The following BORCS5 variants were observed in gnomAD, a reference collection of about 807,000 sequenced individuals.
BORCS5 encodes the protein BLOC-1-related complex subunit 5.
A neutral mutation model predicts 22.1 loss-of-function variants in BORCS5; 17 were observed. The ratio of observed to expected loss-of-function variants is 0.77; its 90% CI spans 0.53 to 1.15. The LOEUF is 1.15. Among genes scored for constraint, BORCS5 ranks in the 50% most tolerant of loss-of-function variants. BORCS5 has a pLI of 0.00. For missense variants in BORCS5, 247 were observed against 253.2 expected (o/e 0.98, Z 0.17); for synonymous variants, 117 against 99.8 (o/e 1.17, Z -1.03).
chr12:12,454,061 A>G (rs1369546395), intron 3 of BORCS5, among the ~76,000 whole-genome samples: 1 of 152,092 alleles, frequency 6.6e-6, no homozygotes, highest in Non-Finnish European at 1.5e-5. Context: ...AATAGACCAC[A>G]TTTTGTTTAT....
chr12:12,368,226 T>TA (rs1482432568), intron 2 of BORCS5, among the ~76,000 whole-genome samples: 1 of 152,120 alleles, frequency 6.6e-6, no homozygotes, highest in East Asian at 1.9e-4. Flanking sequence ...TCCCACTTGT[T>TA]AAAACTCCCT....
intron 2 of BORCS5, among the ~76,000 whole-genome samples, chr12:12,430,714 T>G (rs1942401749): frequency 2.6e-5 from 4 of 152,228 alleles, no homozygotes; most frequent in Admixed American, 1.3e-4. Context: ...CTTTACCCCT[T>G]GCCTCCATCT....
chr12:12,454,267 A>G (rs751075066), intron 3 of BORCS5, among the ~76,000 whole-genome samples: 3 of 152,266 alleles, frequency 2.0e-5, no homozygotes, highest in African/African-American at 4.8e-5. Context: ...CTGCTCTTCA[A>G]AATGACTGTC....
intron 3 of BORCS5, among the ~76,000 whole-genome samples, chr12:12,462,877 G>A (rs1019123486): frequency 4.0e-5 from 6 of 151,144 alleles, no homozygotes; most frequent in Non-Finnish European, 5.9e-5. Context: ...GGCTGGTCTC[G>A]AACTCCTGAG....
In BORCS5 at chr12:12,452,973, G is replaced by A. The variant is rs150860127; in HGVS notation, c.361-12573G>A. The stretch of plus-strand genomic sequence containing the variant: ...TAGAACGTGCCATATCTTGATTTGT[G>A]GCAATGGGCCTCCTACTCTTCGGAG... On this transcript the variant is annotated intron_variant, in intron 3 of 3. Transcript: ENST00000314565. Among the ~76,000 whole-genome samples the A allele has an allele frequency of 4.3e-3, 657 of 152,288 alleles. 8 individuals carry two copies. The highest frequency in any genetic ancestry group is 0.015 in the African/African-American group (625 of 41,552).
At chr12:12,444,522 A>T (rs1942745930) in intron 3 of BORCS5, among the ~76,000 whole-genome samples, 1 of 152,216 alleles carries the variant, frequency 6.6e-6, no homozygotes. Flanking sequence ...GCTAGAACTC[A>T]ATTACATGGC....
intron 2 of BORCS5, among the ~76,000 whole-genome samples, chr12:12,391,227 T>C (rs959283321): frequency 2.0e-5 from 3 of 152,080 alleles, no homozygotes; most frequent in African/African-American, 7.3e-5. Context: ...CTTAGCTTGG[T>C]TCCTGCCATA....
intron 3 of BORCS5, among the ~76,000 whole-genome samples, chr12:12,436,345 A>C (rs1054310635): frequency 1.3e-5 from 2 of 152,270 alleles, no homozygotes; most frequent in African/African-American, 4.8e-5. Context: ...GAAAGTACTT[A>C]GTAAACTGAA....
In BORCS5 at chr12:12,398,744, C is replaced by T. The variant is rs150698635; in HGVS notation, c.203-36884C>T. ...GCAGACCTTGTGCCACCACCTGCCT[C>T]CCCCTTCCCAGATATCTGTGCGATA... On this transcript the variant is annotated intron_variant, in intron 2 of 3. Transcript: ENST00000314565. 3.7e-3 allele frequency among the ~76,000 whole-genome samples: 566 copies of T among 152,328 alleles called. 5 individuals carry two copies. Among genetic ancestry groups the T allele is most frequent in the African/African-American group, 0.012 (485 of 41,570 alleles).
chr12:12,365,310 C>G (rs61922059), intron 2 of BORCS5, among the ~76,000 whole-genome samples: 92,157 of 151,526 alleles, frequency 0.61, 28,422 homozygotes, highest in South Asian at 0.74. Context: ...GCTGGGACTA[C>G]AGTGTGCACC....
chr12:12,362,281 A>G (rs1368050759), intron 2 of BORCS5, among the ~76,000 whole-genome samples: 2 of 152,182 alleles, frequency 1.3e-5, no homozygotes, highest in African/African-American at 4.8e-5. Context: ...TTCTTCATTG[A>G]TGTCAAATCC....
Position 12,420,524 on chromosome 12 carries a change from G to A in BORCS5, c.203-15104G>A, listed in dbSNP as rs568406712. On this transcript the variant is annotated intron_variant, in intron 2 of 3. Transcript: ENST00000314565. ...TTTTGCTTAGGATTGTCTTGGCAAT[G>A]CGGGCTCTTTTTTGGTTCCATATGA... is the stretch of plus-strand genomic sequence containing the variant. 1.8e-3 allele frequency among the ~76,000 whole-genome samples: 280 copies of A among 152,240 alleles called. 1 individual carries two copies. The highest frequency in any genetic ancestry group is 3.2e-3 in the Non-Finnish European group (216 of 68,014).
intron 2 of BORCS5, among the ~76,000 whole-genome samples, chr12:12,390,794 A>AG (rs1941157580): frequency 6.6e-6 from 1 of 151,770 alleles, no homozygotes. Flanking sequence ...TCTTAAAAAA[A>AG]AAAAAATTAT....
At chr12:12,393,602 C>T (rs907191043) in intron 2 of BORCS5, among the ~76,000 whole-genome samples, 2 of 151,118 alleles carry the variant, frequency 1.3e-5, no homozygotes, top group Non-Finnish European at 2.9e-5. Context: ...TCACTGCAAC[C>T]TCTGCCTCCT....
intron 3 of BORCS5, among the ~76,000 whole-genome samples, chr12:12,445,528 CCT>C (rs141762898): frequency 4.4e-5 from 2 of 45,298 alleles, no homozygotes; most frequent in African/African-American, 1.1e-4. Context: ...ATTTGAAATA[CCT>C]TTTTTTTTTT....
chr12:12,420,251 G>A (rs1451616476), intron 2 of BORCS5, among the ~76,000 whole-genome samples: 1 of 151,718 alleles, frequency 6.6e-6, no homozygotes, highest in East Asian at 1.9e-4. Flanking sequence ...TCCAGTTTCA[G>A]CTTTCTACAT....
At chr12:12,370,765 T>G (rs78886472) in intron 2 of BORCS5, among the ~76,000 whole-genome samples, 2 of 152,110 alleles carry the variant, frequency 1.3e-5, no homozygotes, top group Non-Finnish European at 2.9e-5. Flanking sequence ...CTTTTTTTTT[T>G]GGAGATGGAG....
intron 2 of BORCS5, among the ~76,000 whole-genome samples, chr12:12,390,495 A>G (rs1283843446): frequency 6.6e-6 from 1 of 152,076 alleles, no homozygotes; most frequent in Non-Finnish European, 1.5e-5. Context: ...ACAGAAAGTT[A>G]TGGTCAGAAA....
At chr12:12,422,910 A>G (rs1179108801) in intron 2 of BORCS5, among the ~76,000 whole-genome samples, 1 of 151,452 alleles carries the variant, frequency 6.6e-6, no homozygotes, top group African/African-American at 2.4e-5. Flanking sequence ...GAAAGCCAAA[A>G]GTGGAGCTAC....
Sources: allele counts gnomAD v4.1 joint callset (sites outside exome capture counted in the v4.1 genomes callset), GRCh38; gene constraint gnomAD v4.1.1; transcripts MANE v1.5; gene names NCBI Gene and HGNC (gene_info 2026-07-23, HGNC 2026-07-21).